C1orf202: variants seen among roughly 807,000 people sequenced by gnomAD.
C1orf202 encodes the protein uncharacterized protein C1orf202.
At chr1:244,729,930 ATTTT>A in the C1orf202 span, 4 of 151,348 alleles carry the variant, frequency 2.6e-5, no homozygotes, top group Non-Finnish European at 4.4e-5. Context: ...GCTTTAAACG[ATTTT>A]TTTATTTTTT....
chr1:244,730,732 G>T, the C1orf202 span: 1 of 383,478 alleles, frequency 2.6e-6, no homozygotes. Context: ...GCTTCTTCCT[G>T]CGCGGGCCGC....
chr1:244,730,621 C>T, the C1orf202 span: 1 of 385,340 alleles, frequency 2.6e-6, no homozygotes, highest in Non-Finnish European at 4.6e-6. Flanking sequence ...GGTAGCGCCG[C>T]CTCCACGTCG....
chr1:244,730,888 G>A, the C1orf202 span: 2 of 384,908 alleles, frequency 5.2e-6, no homozygotes, highest in Non-Finnish European at 9.2e-6. Context: ...GCTGCGCGCC[G>A]CCGCGCCGGG....
At chr1:244,730,316 T>C in the C1orf202 span, 1 of 257,512 alleles carries the variant, frequency 3.9e-6, no homozygotes, top group East Asian at 7.4e-5. Flanking sequence ...TTGGTTTCCA[T>C]GCACATCCCC....
chr1:244,730,614 A>G, the C1orf202 span: 6 of 381,400 alleles, frequency 1.6e-5, no homozygotes, highest in Non-Finnish European at 2.8e-5. Flanking sequence ...CGCCGCAGGT[A>G]GCGCCGCCTC....
the C1orf202 span, chr1:244,730,396 AAG>A: frequency 2.8e-6 from 1 of 355,270 alleles, no homozygotes; most frequent in African/African-American, 2.1e-5. Context: ...GTTGACCAAA[AAG>A]AAAAAAACAA....
the C1orf202 span, chr1:244,730,778 G>A: frequency 2.6e-6 from 1 of 379,704 alleles, no homozygotes. Flanking sequence ...CCCAGAGCAG[G>A]AGCCGCCGTC....
the C1orf202 span, chr1:244,730,837 G>A: frequency 1.3e-5 from 5 of 379,902 alleles, no homozygotes; most frequent in Non-Finnish European, 2.3e-5. Flanking sequence ...CGCGCGGAGG[G>A]GGGCCCCGCT....
chr1:244,729,827 C>T, the C1orf202 span: 1 of 152,020 alleles, frequency 6.6e-6, no homozygotes, highest in Non-Finnish European at 1.5e-5. Context: ...CTGTCCCACC[C>T]CCACCCCAAG....
the C1orf202 span, chr1:244,730,357 T>C: frequency 3.2e-6 from 1 of 309,600 alleles, no homozygotes; most frequent in South Asian, 1.4e-4. Context: ...ATTCCTACGG[T>C]GCTGGGGTTA....
chr1:244,730,877 T>C, the C1orf202 span: 1 of 385,596 alleles, frequency 2.6e-6, no homozygotes, highest in Non-Finnish European at 4.6e-6. Context: ...CAGCAGCTCG[T>C]GCTGCGCGCC....
chr1:244,730,368 C>T, the C1orf202 span: 1 of 323,252 alleles, frequency 3.1e-6, no homozygotes, highest in Non-Finnish European at 5.6e-6. Context: ...GCTGGGGTTA[C>T]TTTCATTTAT....
chr1:244,730,596 G>A, the C1orf202 span: 54,255 of 381,722 alleles, frequency 0.14, 4,204 homozygotes, highest in Middle Eastern at 0.18. Context: ...CGGTCCGGCC[G>A]CTCCTTGCGC....
At chr1:244,730,401 A>G in the C1orf202 span, 3 of 357,768 alleles carry the variant, frequency 8.4e-6, no homozygotes, top group Non-Finnish European at 1.5e-5. Context: ...CCAAAAAGAA[A>G]AAAACAATCC....
the C1orf202 span, chr1:244,730,942 C>T: frequency 1.6e-5 from 6 of 382,782 alleles, no homozygotes; most frequent in Non-Finnish European, 2.3e-5. Flanking sequence ...CAGGCCTCTT[C>T]TCGGAGCGCG....
At chr1:244,730,610 A>C in the C1orf202 span, 1 of 383,706 alleles carries the variant, frequency 2.6e-6, no homozygotes, top group Non-Finnish European at 4.6e-6. Flanking sequence ...CTTGCGCCGC[A>C]GGTAGCGCCG....
the C1orf202 span, chr1:244,730,127 G>A: frequency 5.7e-6 from 1 of 174,560 alleles, no homozygotes; most frequent in Non-Finnish European, 1.2e-5. Context: ...GCAGTGTTTA[G>A]GAAGAGACAA....
chr1:244,730,490 T>C, the C1orf202 span: 2 of 347,024 alleles, frequency 5.8e-6, no homozygotes, highest in Non-Finnish European at 1.0e-5. Context: ...GGGGGCGGCC[T>C]GCGCGGGCCG....
At chr1:244,730,426 G>C in the C1orf202 span, 2 of 357,294 alleles carry the variant, frequency 5.6e-6, no homozygotes, top group South Asian at 1.3e-4. Flanking sequence ...CGTGCACAGG[G>C]GGCGCAACGG....
Sources: allele counts gnomAD v4.1 joint callset, GRCh38; gene constraint gnomAD v4.1.1; transcripts MANE v1.5; gene names NCBI Gene and HGNC (gene_info 2026-07-23, HGNC 2026-07-21).